Variants in RANBP2 observed in about 807,000 individuals in gnomAD.
The protein encoded by RANBP2 is E3 SUMO-protein ligase RanBP2.
RANBP2 carries 57 observed loss-of-function variants against 303.6 expected under a neutral mutation model. The ratio of observed to expected loss-of-function variants is 0.19; its 90% CI spans 0.15 to 0.23. The LOEUF (loss-of-function observed/expected upper bound fraction) is 0.23. RANBP2 is among the 10% of genes least tolerant of loss of function. The probability of loss-of-function intolerance (pLI) is 1.00; values close to 1 mark genes in which losing one functional copy is unlikely to be tolerated. For synonymous variants in RANBP2, 1,167 were observed against 1,301.5 expected, an observed-to-expected ratio of 0.90 and a Z score of 2.23; for missense variants, 3,138 against 3,780.8, an observed-to-expected ratio of 0.83 and a Z score of 4.46.
At chr2:108,853,854 A>ATAT in the RANBP2 span, among the ~76,000 whole-genome samples, 1 of 127,866 alleles carries the variant, frequency 7.8e-6, no homozygotes, top group African/African-American at 3.0e-5. Flanking sequence ...TATATATACT[A>ATAT]TATATATAAT....
the RANBP2 span, among the ~76,000 whole-genome samples, chr2:109,587,288 G>A: frequency 2.6e-5 from 4 of 151,984 alleles, no homozygotes; most frequent in Admixed American, 2.0e-4. Context: ...AATAATGGAA[G>A]ACAGATTTGT....
At chr2:109,130,122 C>T in the RANBP2 span, 2 of 1,296,534 alleles carry the variant, frequency 1.5e-6, no homozygotes, top group Non-Finnish European at 2.0e-6. Context: ...AGGTGAGTAT[C>T]TGTCTCGGCG....
the RANBP2 span, among the ~76,000 whole-genome samples, chr2:109,287,171 G>A: frequency 6.6e-6 from 1 of 152,256 alleles, no homozygotes; most frequent in East Asian, 1.9e-4. Flanking sequence ...GTGATTATAT[G>A]CCACAGAATT....
At chr2:109,331,719 G>T in the RANBP2 span, among the ~76,000 whole-genome samples, 1 of 152,128 alleles carries the variant, frequency 6.6e-6, no homozygotes, top group Non-Finnish European at 1.5e-5. Context: ...TATTTTGTTA[G>T]TTCCTAGAAC....
At chr2:109,378,180 A>G in the RANBP2 span, among the ~76,000 whole-genome samples, 1 of 152,128 alleles carries the variant, frequency 6.6e-6, no homozygotes, top group African/African-American at 2.4e-5. Context: ...GCACCTCCAG[A>G]CCTGTCTGAT....
chr2:109,093,406 T>TAAAAAAAAAAAAAAAAAAAAAAAAAAAA, the RANBP2 span, among the ~76,000 whole-genome samples: 1 of 90,722 alleles, frequency 1.1e-5, no homozygotes, highest in Non-Finnish European at 2.2e-5. Flanking sequence ...CGGAGATTTG[T>TAAAAAAAAAAAAAAAAAAAAAAAAAAAA]AAAAAAAAAA....
the RANBP2 span, among the ~76,000 whole-genome samples, chr2:109,167,037 G>A: frequency 5.9e-5 from 9 of 152,192 alleles, 1 homozygote; most frequent in African/African-American, 1.9e-4. Flanking sequence ...CCACTCATCG[G>A]TGTCCCGTGG....
chr2:109,289,385 TA>T, the RANBP2 span, among the ~76,000 whole-genome samples: 2 of 152,206 alleles, frequency 1.3e-5, no homozygotes, highest in African/African-American at 4.8e-5. Context: ...ATCAGAGTTT[TA>T]GGGTACTCTT....
At chr2:108,929,717 G>T in the RANBP2 span, among the ~76,000 whole-genome samples, 1 of 152,284 alleles carries the variant, frequency 6.6e-6, no homozygotes, top group East Asian at 1.9e-4. Context: ...CTGAAACCCC[G>T]GAGGTTTCCC....
chr2:109,542,181 CTGA>C, the RANBP2 span, among the ~76,000 whole-genome samples: 2 of 152,088 alleles, frequency 1.3e-5, no homozygotes, highest in Non-Finnish European at 2.9e-5. Flanking sequence ...AATCTTGTGC[CTGA>C]TGATAAATTA....
At chr2:109,174,716 G>A in the RANBP2 span, among the ~76,000 whole-genome samples, 2 of 152,254 alleles carry the variant, frequency 1.3e-5, no homozygotes, top group Non-Finnish European at 2.9e-5. Flanking sequence ...TGAGGTGGGA[G>A]ATTTTAACCC....
the RANBP2 span, among the ~76,000 whole-genome samples, chr2:109,771,206 C>A: frequency 5.7e-5 from 1 of 17,510 alleles, no homozygotes; most frequent in Non-Finnish European, 9.2e-5. Context: ...CCACACTACT[C>A]CAACTCACAT....
chr2:109,644,613 T>C, the RANBP2 span, among the ~76,000 whole-genome samples: 175 of 152,328 alleles, frequency 1.1e-3, no homozygotes, highest in South Asian at 5.0e-3. Context: ...TGGGCTTTTG[T>C]AGTAACCACA....
At chr2:109,224,269 T>A in the RANBP2 span, among the ~76,000 whole-genome samples, 5 of 152,218 alleles carry the variant, frequency 3.3e-5, no homozygotes, top group Non-Finnish European at 5.9e-5. Flanking sequence ...CCAAGCATAG[T>A]AAAATAAGAC....
the RANBP2 span, chr2:109,545,740 G>C: frequency 2.1e-6 from 3 of 1,428,278 alleles, no homozygotes; most frequent in Non-Finnish European, 1.8e-6. Flanking sequence ...GCCACGGCTG[G>C]GCTATTCAAT....
the RANBP2 span, chr2:109,449,242 C>T: frequency 6.2e-7 from 1 of 1,613,030 alleles, no homozygotes; most frequent in Non-Finnish European, 8.5e-7. Flanking sequence ...CAGAACTCTC[C>T]ATCCCGCCTG....
At chr2:109,437,156 CA>C in the RANBP2 span, 5 of 1,603,564 alleles carry the variant, frequency 3.1e-6, no homozygotes, top group Middle Eastern at 1.7e-4. Flanking sequence ...GGTACCTTCA[CA>C]GGGGCCTCAC....
the RANBP2 span, among the ~76,000 whole-genome samples, chr2:109,343,284 T>C: frequency 2.2e-4 from 33 of 152,354 alleles, no homozygotes; most frequent in African/African-American, 6.7e-4. Context: ...GTGTCACCCA[T>C]GTGAGCATTT....
chr2:108,732,687 G>T (rs1467539094), intron 4 of RANBP2, among the ~76,000 whole-genome samples: 2 of 152,138 alleles, frequency 1.3e-5, no homozygotes, highest in Non-Finnish European at 2.9e-5. Context: ...TCCTCATGCT[G>T]CCCCTTTTGT....
Sources: gnomAD v4.1 joint callset for allele counts (sites outside exome capture counted in the v4.1 genomes callset) on GRCh38, gnomAD v4.1.1 for gene constraint, MANE v1.5 for transcripts, NCBI Gene and HGNC (gene_info 2026-07-23, HGNC 2026-07-21) for gene names.